The following VCAM1 variants were observed in gnomAD, a reference collection of about 807,000 sequenced individuals.
VCAM1 encodes vascular cell adhesion protein 1.
Under a neutral mutation model 63.8 loss-of-function variants are expected in VCAM1, and 41 were observed. The observed-to-expected ratio is 0.64, with a 90% CI of 0.50 to 0.83. The LOEUF (loss-of-function observed/expected upper bound fraction) is 0.83. VCAM1 is among the 40% of genes least tolerant of loss of function. The pLI, the probability that VCAM1 is intolerant of heterozygous loss-of-function variation, is 0.00. For synonymous variants in VCAM1, 338 were observed against 320.7 expected, an observed-to-expected ratio of 1.05 and a Z score of -0.58; for missense variants, 798 against 875.5, an observed-to-expected ratio of 0.91 and a Z score of 1.12.
At chr1:100,726,806 G>T (rs3917038) in intron 4 of VCAM1, among the ~76,000 whole-genome samples, 4,679 of 152,034 alleles carry the variant, frequency 0.031, 239 homozygotes, top group African/African-American at 0.11. Context: ...AATAGGTAAC[G>T]CAAATATTCC....
chr1:100,731,940 G>C lies in VCAM1; in HGVS notation c.1525+422G>C, dbSNP rs1454287171. Among the ~76,000 whole-genome samples, 2 of 152,146 alleles carry C rather than the reference G, an allele frequency of 1.3e-5. No individual in the cohort carries two copies. The highest frequency in any genetic ancestry group is 2.9e-5 in the Non-Finnish European group (2 of 68,022). On this transcript the variant is annotated intron_variant, in intron 6 of 8. Coordinates refer to ENST00000294728, the MANE Select transcript of VCAM1 (RefSeq NM_001078.4). This position sits in a 1 kb window ranked among gnomAD's most constrained non-coding sequence, Gnocchi z 4.2. The stretch of plus-strand genomic sequence containing the variant: ...CTAGATTTACTCTCCAGAGCTCAGT[G>C]TTTCAAGAAGGTGTAAATGAAAGCA...
intron 3 of VCAM1, 102 bp downstream of exon 3, chr1:100,723,442 A>G (rs940324023): frequency 8.6e-7 from 1 of 1,167,960 alleles, no homozygotes; most frequent in African/African-American, 1.6e-5. Flanking sequence ...AAACTTGTAT[A>G]TAGTTTGTAT....
chr1:100,722,585 A>G (rs1430020253), intron 2 of VCAM1, among the ~76,000 whole-genome samples: 1 of 152,038 alleles, frequency 6.6e-6, no homozygotes, highest in East Asian at 1.9e-4. Context: ...CAGCTTTACC[A>G]TTTACTAGGT....
At chr1:100,736,073 C>T (rs927494942) in intron 8 of VCAM1, 2 of 152,136 alleles carry the variant, frequency 1.3e-5, no homozygotes, top group Non-Finnish European at 2.9e-5. Context: ...AAATTGGTCC[C>T]CTAACATTTC....
intron 4 of VCAM1, among the ~76,000 whole-genome samples, 186 bp from the exon 5 acceptor site, chr1:100,728,921 C>T (rs932377000): frequency 1.3e-5 from 2 of 151,870 alleles, no homozygotes; most frequent in Non-Finnish European, 2.9e-5. Flanking sequence ...AACAAACTAT[C>T]GTGGTTTCAT....
Position 100,731,081 on chromosome 1 carries a change from T to C in VCAM1, c.1205-117T>C, listed in dbSNP as rs3917059. 14,146 of 844,096 alleles carry C rather than the reference T, an allele frequency of 0.017. 1,417 individuals are homozygous for C. The African/African-American group carries it at 0.22, about 13-fold the overall frequency. 52.3% of individuals were successfully genotyped at this position (844,096 alleles called of 1,614,324 possible). On this transcript the variant is annotated intron_variant, in intron 5 of 8. Transcript: ENST00000294728. The surrounding 1 kb of genome is among the most constrained non-coding windows in gnomAD (Gnocchi z 4.2). ...ACTGTCATTACTTATATATTGACAG[T>C]CATTCTATCCCAGGTGACTTAAAGC...
intron 4 of VCAM1, among the ~76,000 whole-genome samples, chr1:100,726,656 T>C (rs1660171527): frequency 6.6e-6 from 1 of 152,076 alleles, no homozygotes; most frequent in African/African-American, 2.4e-5. Context: ...ATGTATGCTA[T>C]TCTGTTCAGT....
In VCAM1 at chr1:100,720,726, A is replaced by C; in HGVS notation, c.315A>C (p.Glu105Asp). 6.2e-7 allele frequency: 1 copy of C among 1,612,584 alleles called. No homozygotes were observed. Among genetic ancestry groups the C allele is most frequent in the Non-Finnish European group, 8.5e-7 (1 of 1,179,034 alleles). ...CAACTTGTGAATCTAGGAAATTGGA[A>C]AAAGGAATCCAGGTGGAGATCTACT... The part of the protein sequence containing the change: ...CTATCESRKL[E>D]KGIQVEIYSF... Residue 105 changes from glutamate (E) to aspartate (D), a missense_variant, in exon 2 of 9, where the codon GAA becomes GAC. Coordinates refer to ENST00000294728, the MANE Select transcript of VCAM1 (RefSeq NM_001078.4).
Position 100,723,215 on chromosome 1 carries a change from A to G in VCAM1, c.536A>G (p.Glu179Gly). The change falls in exon 3 of 9, where the codon GAA (glutamate) becomes GGA (glycine). Residue 179 changes from glutamate to glycine, a missense_variant. Transcript: ENST00000294728. The part of the protein sequence containing the change: ...DRKSLETKSL[E>G]VTFTPVIEDI... ...AAGTCCCTGGAAACCAAGAGTTTGGAAGTAACCTTTACTCCTGTCATTGAG... is the reference window on the plus strand; with the variant it reads ...AAGTCCCTGGAAACCAAGAGTTTGGGAGTAACCTTTACTCCTGTCATTGAG... 1 of 1,613,164 alleles carries G rather than the reference A, an allele frequency of 6.2e-7. No homozygotes were observed. Among genetic ancestry groups the G allele is most frequent in the Non-Finnish European group, 8.5e-7 (1 of 1,179,436 alleles).
In VCAM1 at chr1:100,719,797, A is replaced by C. The variant is rs762922546; in HGVS notation, c.-64A>C. ...AGGAGCTGAATACCCTCCCAGGCAC[A>C]CACAGGTGGGACACAAATAAGGGTT... is the stretch of plus-strand genomic sequence containing the variant. On this transcript the variant is annotated 5_prime_UTR_variant, in exon 1 of 9. Transcript: ENST00000294728. The C allele has an allele frequency of 1.9e-6, 3 of 1,564,578 alleles. No individual in the cohort carries two copies. The highest frequency in any genetic ancestry group is 2.6e-6 in the Non-Finnish European group (3 of 1,142,782).
In VCAM1 at chr1:100,731,376, A is replaced by G. The variant is rs746201136; in HGVS notation, c.1383A>G (p.Leu461=). The change falls in exon 6 of 9, where the codon CTA becomes CTG. Residue 461 remains leucine (L), a synonymous_variant. Coordinates refer to ENST00000294728, the MANE Select transcript of VCAM1 (RefSeq NM_001078.4). This position sits in a 1 kb window ranked among gnomAD's most constrained non-coding sequence, Gnocchi z 4.2. ...EFLEDTDMKS[L]ENKSLEMTFI... Reference sequence around the variant, plus strand: ...TGGAGGATACGGATATGAAATCTCTAGAGAACAAAAGTTTGGAAATGACCT... The same window carrying G: ...TGGAGGATACGGATATGAAATCTCTGGAGAACAAAAGTTTGGAAATGACCT... The G allele has an allele frequency of 1.2e-6, 2 of 1,613,860 alleles. No individual in the cohort carries two copies. The highest frequency in any genetic ancestry group is 1.3e-5 in the African/African-American group (1 of 75,012).
chr1:100,720,432 C>G, intron 1 of VCAM1, 44 bp from the exon 2 acceptor site: 1 of 1,582,720 alleles, frequency 6.3e-7, no homozygotes, highest in African/African-American at 1.3e-5. Flanking sequence ...GAATACTAGA[C>G]AAACTAGTGG....
At chr1:100,720,047 T>G (rs1341738161) in intron 1 of VCAM1, 123 bp downstream of exon 1, 1 of 1,042,122 alleles carries the variant, frequency 9.6e-7, no homozygotes, top group Non-Finnish European at 1.4e-6. Flanking sequence ...GTAGGAAAAG[T>G]TAATTTAGTC....
intron 1 of VCAM1, 40 bp from the exon 2 acceptor site, chr1:100,720,436 C>T: frequency 1.9e-6 from 3 of 1,588,176 alleles, no homozygotes; most frequent in Non-Finnish European, 2.6e-6. Context: ...ACTAGACAAA[C>T]TAGTGGTAAA....
In VCAM1 at chr1:100,731,190, A is replaced by C. The variant is rs758296946; in HGVS notation, c.1205-8A>C. On this transcript the variant is annotated splice_region_variant and splice_polypyrimidine_tract_variant and intron_variant, in intron 5 of 8. Coordinates refer to ENST00000294728, the MANE Select transcript of VCAM1 (RefSeq NM_001078.4). This position sits in a 1 kb window ranked among gnomAD's most constrained non-coding sequence, Gnocchi z 4.2. ...AGAATAAAAATCGTTTTTGCTTGCG[A>C]TTTGCAGCATTCCCTAGAGATCCAG... The C allele has an allele frequency of 3.2e-6, 5 of 1,574,326 alleles. No homozygotes were observed. In the Admixed American group the frequency reaches 9.8e-5, roughly 31 times the overall value.
At chr1:100,720,047 T>C in intron 1 of VCAM1, 123 bp downstream of exon 1, 1 of 1,042,240 alleles carries the variant, frequency 9.6e-7, no homozygotes, top group South Asian at 1.7e-5. Context: ...GTAGGAAAAG[T>C]TAATTTAGTC....
At chr1:100,736,495 A>C (rs892276300) in intron 8 of VCAM1, 3 of 152,180 alleles carry the variant, frequency 2.0e-5, no homozygotes, top group African/African-American at 7.2e-5. Context: ...TTGTATTTGA[A>C]GGTTGCCCTG....
intron 3 of VCAM1, among the ~76,000 whole-genome samples, chr1:100,724,137 G>C (rs980005472): frequency 6.6e-6 from 1 of 152,056 alleles, no homozygotes; most frequent in African/African-American, 2.4e-5. Flanking sequence ...ATGAAAGAGT[G>C]ATTTACCTTA....
At chr1:100,727,922 A>C (rs1290780386) in intron 4 of VCAM1, among the ~76,000 whole-genome samples, 1 of 152,150 alleles carries the variant, frequency 6.6e-6, no homozygotes, top group Non-Finnish European at 1.5e-5. Flanking sequence ...GATGAGAACC[A>C]TGCAAAATAT....
Sources: gnomAD v4.1 joint callset for allele counts (sites outside exome capture counted in the v4.1 genomes callset) on GRCh38, gnomAD v4.1.1 for gene constraint, Gnocchi (gnomAD v3.1) non-coding constraint, MANE v1.5 for transcripts, NCBI Gene and HGNC (gene_info 2026-07-23, HGNC 2026-07-21) for gene names.